Variants in RYR2 observed in about 807,000 individuals in gnomAD.
The protein encoded by RYR2 is ryanodine receptor 2.
In RYR2, 227 loss-of-function variants were observed where a neutral mutation model predicts 601.1. That is an observed-to-expected ratio of 0.38 (90% CI 0.34 to 0.42). The LOEUF (loss-of-function observed/expected upper bound fraction) is 0.42. Ranked by LOEUF, RYR2 falls within the 10% of genes least tolerant of loss-of-function variation. The probability of loss-of-function intolerance (pLI) is 1.00; values close to 1 mark genes in which losing one functional copy is unlikely to be tolerated. For missense variants in RYR2, 4,646 were observed against 6,156.5 expected, an observed-to-expected ratio of 0.75 and a Z score of 8.21; for synonymous variants, 2,223 against 2,175.1, an observed-to-expected ratio of 1.02 and a Z score of -0.61.
chr1:237,603,492 A>G (rs1305635735), intron 35 of RYR2, among the ~76,000 whole-genome samples: 2 of 152,224 alleles, frequency 1.3e-5, no homozygotes, highest in African/African-American at 4.8e-5. Context: ...TGTAAAGACC[A>G]TCGATGCTAG....
intron 1 of RYR2, among the ~76,000 whole-genome samples, chr1:237,046,782 G>A (rs1416791656): frequency 6.6e-6 from 1 of 152,152 alleles, no homozygotes; most frequent in Non-Finnish European, 1.5e-5. Flanking sequence ...GAGAGGGAGA[G>A]GTGATGAAGC....
intron 2 of RYR2, among the ~76,000 whole-genome samples, chr1:237,288,850 T>A (rs1691875399): frequency 6.6e-6 from 1 of 152,070 alleles, no homozygotes; most frequent in Non-Finnish European, 1.5e-5. Context: ...CCATTCAAAT[T>A]GTTACAAAGG....
chr1:237,427,691 G>C (rs1441676496), intron 12 of RYR2, among the ~76,000 whole-genome samples: 1 of 148,962 alleles, frequency 6.7e-6, no homozygotes, highest in African/African-American at 2.5e-5. Context: ...GCTGAGGGAG[G>C]AGAATTGCCT....
chr1:237,779,902 G>A (rs1196593335), intron 88 of RYR2, among the ~76,000 whole-genome samples: 1 of 152,182 alleles, frequency 6.6e-6, no homozygotes, highest in Non-Finnish European at 1.5e-5. Context: ...TCAGAGGAGT[G>A]AAAAGTTACA....
chr1:237,124,300 G>A (rs1671162518), intron 1 of RYR2, among the ~76,000 whole-genome samples: 1 of 152,154 alleles, frequency 6.6e-6, no homozygotes, highest in South Asian at 2.1e-4. Flanking sequence ...CCGAGTGCGG[G>A]GGTCCCTTCT....
chr1:237,130,284 G>A (rs1046410053), intron 1 of RYR2, among the ~76,000 whole-genome samples: 1 of 152,190 alleles, frequency 6.6e-6, no homozygotes, highest in African/African-American at 2.4e-5. Flanking sequence ...GGAGGAAAAT[G>A]TGAAATTCAA....
chr1:237,729,244 A>T, intron 76 of RYR2, among the ~76,000 whole-genome samples: 1 of 152,132 alleles, frequency 6.6e-6, no homozygotes, highest in East Asian at 1.9e-4. Flanking sequence ...CTTTTAAGAA[A>T]CACACTTAAA....
At chr1:237,731,889 A>AAC (rs772255866) in intron 77 of RYR2, among the ~76,000 whole-genome samples, 157 bp from the exon 78 acceptor site, 24 of 28,048 alleles carry the variant, frequency 8.6e-4, no homozygotes, top group Non-Finnish European at 1.6e-3. Flanking sequence ...ATGCATATAA[A>AAC]ATACACACAC....
chr1:237,133,566 A>C (rs1056614910), intron 1 of RYR2, among the ~76,000 whole-genome samples: 6 of 152,178 alleles, frequency 3.9e-5, no homozygotes, highest in Admixed American at 6.5e-5. Context: ...AAACATATAG[A>C]TACTGTATGG....
intron 1 of RYR2, among the ~76,000 whole-genome samples, chr1:237,158,352 A>T (rs1016759849): frequency 1.3e-5 from 2 of 152,212 alleles, no homozygotes; most frequent in African/African-American, 4.8e-5. Context: ...AGGACATTGA[A>T]GAGAGAGAAC....
chr1:237,169,685 C>T (rs752863317), intron 1 of RYR2, among the ~76,000 whole-genome samples: 3 of 152,096 alleles, frequency 2.0e-5, no homozygotes, highest in Non-Finnish European at 4.4e-5. Flanking sequence ...TTTCTAAATA[C>T]ATAACATACA....
chr1:237,812,891 TAA>T (rs1661399057), intron 100 of RYR2, among the ~76,000 whole-genome samples: 1 of 87,632 alleles, frequency 1.1e-5, no homozygotes, highest in African/African-American at 6.0e-5. Context: ...GAAAAATGTA[TAA>T]GTTTTTTTTT....
chr1:237,263,917 G>A (rs1467098507), intron 1 of RYR2, among the ~76,000 whole-genome samples: 1 of 152,104 alleles, frequency 6.6e-6, no homozygotes, highest in Non-Finnish European at 1.5e-5. Context: ...ATAGTGTCAG[G>A]TAGTGATAAT....
At chr1:237,609,061 C>T (rs1677496852) in intron 35 of RYR2, among the ~76,000 whole-genome samples, 1 of 147,908 alleles carries the variant, frequency 6.8e-6, no homozygotes, top group Admixed American at 6.8e-5. Flanking sequence ...GTCCCTGTCC[C>T]TTTTCTTTCT....
chr1:237,219,829 C>T lies in RYR2; in HGVS notation c.49-50668C>T, dbSNP rs367707890. 7.9e-5 allele frequency among the ~76,000 whole-genome samples: 12 copies of T among 152,280 alleles called. No homozygotes were observed. In the East Asian group the frequency reaches 2.1e-3, roughly 27 times the overall value. On this transcript the variant is annotated intron_variant, in intron 1 of 104. Transcript: ENST00000366574. ...TGAAACCAGGTACCACAGCCTGGCC[C>T]CTGCTTAGGCTTAGTTACTTAAAGC...
chr1:237,214,023 C>T (rs1422032657), intron 1 of RYR2, among the ~76,000 whole-genome samples: 3 of 145,650 alleles, frequency 2.1e-5, no homozygotes, highest in African/African-American at 7.6e-5. Flanking sequence ...CAGGTTTAAG[C>T]GATCCTCGTG....
At chr1:237,247,653 A>G in intron 1 of RYR2, among the ~76,000 whole-genome samples, 1 of 152,184 alleles carries the variant, frequency 6.6e-6, no homozygotes, top group Non-Finnish European at 1.5e-5. Context: ...TGGGCACACC[A>G]TGGGAAGAAC....
At chr1:237,460,828 T>C (rs1307418813) in intron 16 of RYR2, among the ~76,000 whole-genome samples, 1 of 152,208 alleles carries the variant, frequency 6.6e-6, no homozygotes, top group Non-Finnish European at 1.5e-5. Flanking sequence ...ATAAGGTTGT[T>C]GGGTGGCTTA....
chr1:237,275,096 A>G (rs936066162), intron 2 of RYR2, among the ~76,000 whole-genome samples: 1 of 151,744 alleles, frequency 6.6e-6, no homozygotes, highest in Non-Finnish European at 1.5e-5. Flanking sequence ...ATACACGCAC[A>G]CACACACACA....
Sources: gnomAD v4.1 joint callset for allele counts (sites outside exome capture counted in the v4.1 genomes callset) on GRCh38, gnomAD v4.1.1 for gene constraint, MANE v1.5 for transcripts, NCBI Gene and HGNC (gene_info 2026-07-23, HGNC 2026-07-21) for gene names.